The following PRH1 variants were observed in gnomAD, a reference collection of about 807,000 sequenced individuals.
PRH1 encodes proline rich protein HaeIII subfamily 1.
Under a neutral mutation model 7.9 loss-of-function variants are expected in PRH1, and 7 were observed. The observed-to-expected ratio is 0.89, with a 90% CI of 0.50 to 1.67. The LOEUF (loss-of-function observed/expected upper bound fraction) is 1.67. PRH1 is among the 40% of genes most tolerant of loss of function. PRH1 has a pLI of 0.00. For synonymous variants in PRH1, 45 were observed against 80.8 expected, an observed-to-expected ratio of 0.56 and a Z score of 2.38; for missense variants, 109 against 223.6, an observed-to-expected ratio of 0.49 and a Z score of 3.27.
intron 1 of PRH1, among the ~76,000 whole-genome samples, chr12:11,144,233 A>C (rs1383391075): frequency 8.2e-6 from 1 of 121,728 alleles, no homozygotes; most frequent in East Asian, 2.0e-4. Context: ...GGCATGTCTG[A>C]GCTCAGACTC....
chr12:11,050,592 C>T (rs74062429), upstream of PRH1, among the ~76,000 whole-genome samples: 5,306 of 152,312 alleles, frequency 0.035, 298 homozygotes, highest in African/African-American at 0.12. Flanking sequence ...CAACATAGGC[C>T]TTTGGTAAAT....
chr12:11,150,659 G>C (rs563212901), intron 1 of PRH1, among the ~76,000 whole-genome samples: 1 of 152,048 alleles, frequency 6.6e-6, no homozygotes. Context: ...ATCACATTCT[G>C]GGGACAGTTG....
At position 10,973,501 on chromosome 12, in the gene PRH1, G is replaced by A. The variant is rs1043512000; in HGVS notation, c.-59+154C>T. ...GCCTTAGGATAGCCATCTGTAAAAC[G>A]CACACAATAACAATACCCTCCTTGA... is the stretch of plus-strand genomic sequence containing the variant. On this transcript the variant is annotated intron_variant, in intron 2 of 3. Transcript: ENST00000539853. 20 of 506,046 alleles carry A rather than the reference G, an allele frequency of 4.0e-5. No individual in the cohort carries two copies. In the South Asian group the frequency reaches 4.2e-4, roughly 11 times the overall value. The allele number at this position is 506,046 out of a possible 1,614,324, so 31.3% of individuals were successfully genotyped here. A position where few individuals can be genotyped will look rare whatever the true frequency, so the allele number is the denominator to read the frequency against.
chr12:11,025,711 T>G (rs1429575501), intron 1 of PRH1, among the ~76,000 whole-genome samples: 1 of 152,296 alleles, frequency 6.6e-6, no homozygotes. Context: ...TCTAGCTCTG[T>G]GTATTTCCAT....
intron 1 of PRH1, chr12:11,061,309 C>A: frequency 6.9e-7 from 1 of 1,450,078 alleles, no homozygotes; most frequent in Admixed American, 2.2e-5. Context: ...ATATAAAATG[C>A]TTCATATAAC....
chr12:11,113,044 C>A (rs1167539077), intron 1 of PRH1, among the ~76,000 whole-genome samples: 1 of 152,072 alleles, frequency 6.6e-6, no homozygotes, highest in Non-Finnish European at 1.5e-5. Flanking sequence ...AACTCCATTT[C>A]ACAATTGCTA....
intron 1 of PRH1, among the ~76,000 whole-genome samples, chr12:11,035,542 G>A (rs1476320364): frequency 1.3e-5 from 2 of 152,012 alleles, no homozygotes; most frequent in Non-Finnish European, 2.9e-5. Context: ...ACTAAACCAA[G>A]TATTCCTAAA....
rs1945107531 is a variant in PRH1, at chr12:11,097,832, A to T, written n.124-50644T>A. Reference sequence around the variant, plus strand: ...TTTCTAAGTACTGGAGCTCAGCGTGATGAGAGAACACTATTATTCTTCCTC... The same window carrying T: ...TTTCTAAGTACTGGAGCTCAGCGTGTTGAGAGAACACTATTATTCTTCCTC... On this transcript the variant is annotated intron_variant and non_coding_transcript_variant, in intron 1 of 4. Transcript: ENST00000541977. Among the ~76,000 whole-genome samples the T allele has an allele frequency of 3.5e-5, 4 of 112,742 alleles. 2 individuals carry two copies. Among genetic ancestry groups the T allele is most frequent in the South Asian group, 5.0e-4 (2 of 4,032 alleles). 74.0% of individuals were successfully genotyped at this position (112,742 alleles called of 152,430 possible). A position where few individuals can be genotyped will look rare whatever the true frequency, so the allele number is the denominator to read the frequency against.
intron 1 of PRH1, among the ~76,000 whole-genome samples, chr12:11,067,869 A>G (rs1335369799): frequency 2.6e-5 from 4 of 152,166 alleles, no homozygotes; most frequent in Non-Finnish European, 4.4e-5. Context: ...TCTCAAAACA[A>G]TAAGAAAAAT....
In PRH1 at chr12:11,093,174, T is replaced by C. The variant is rs538352020; in HGVS notation, n.124-45986A>G. Among the ~76,000 whole-genome samples, 21 of 116,088 alleles carry C rather than the reference T, an allele frequency of 1.8e-4. 4 individuals carry two copies. Among genetic ancestry groups the C allele is most frequent in the Admixed American group, 1.7e-3 (20 of 11,514 alleles). The allele number at this position is 116,088 out of a possible 152,430, so 76.2% of individuals were successfully genotyped here. ...CTTAATATATATATCATCCAGTAAA[T>C]GTCTAAATTCTCAAAGGGAGCTTGG... On this transcript the variant is annotated intron_variant and non_coding_transcript_variant, in intron 1 of 4. Transcript: ENST00000541977.
chr12:10,908,552 G>C, intron 2 of PRH1: 1 of 1,613,932 alleles, frequency 6.2e-7, no homozygotes, highest in Admixed American at 1.7e-5. Context: ...TCCATGATAT[G>C]AGAACACATA....
At chr12:11,133,986 C>A in intron 1 of PRH1, 1 of 1,613,754 alleles carries the variant, frequency 6.2e-7, no homozygotes. Context: ...ACTGCCCAGA[C>A]ATTATAAGCA....
At chr12:11,170,230 T>A (rs1484686219) in intron 1 of PRH1, among the ~76,000 whole-genome samples, 1 of 152,232 alleles carries the variant, frequency 6.6e-6, no homozygotes, top group Non-Finnish European at 1.5e-5. Context: ...TTCACTGTGC[T>A]GTTACTCTAA....
chr12:11,018,712 G>A (rs1941424141), intron 1 of PRH1, among the ~76,000 whole-genome samples: 1 of 152,102 alleles, frequency 6.6e-6, no homozygotes, highest in Non-Finnish European at 1.5e-5. Flanking sequence ...AAGGAAATGA[G>A]CAGGACAGCA....
In PRH1 at chr12:10,882,674, A is replaced by G. The variant is rs535280132; in HGVS notation, c.125T>C (p.Leu42Pro). The G allele has an allele frequency of 1.3e-5, 21 of 1,558,498 alleles. No individual in the cohort carries two copies. In the East Asian group the frequency reaches 2.3e-4, roughly 17 times the overall value. Residue 42 changes from leucine (L) to proline (P), a missense_variant, in exon 3 of 4, where the codon CTA (leucine) becomes CCA (proline). Around this residue, in one of 3 missense-constraint regions of PRH1, gnomAD observed 60 missense variants for 76.5 expected, o/e 0.78. Transcript: ENST00000543626. ...AGGTGGTCCCTGACGCTCCTCATCTAGGAACTGCTCAGAGTCTCCTCCATC... is the reference window on the plus strand; with the variant it reads ...AGGTGGTCCCTGACGCTCCTCATCTGGGAACTGCTCAGAGTCTCCTCCATC... ...ISDGGDSEQF[L>P]DEERQGPPLG...
At chr12:11,107,431 T>C (rs1175975618) in intron 1 of PRH1, among the ~76,000 whole-genome samples, 1 of 152,222 alleles carries the variant, frequency 6.6e-6, no homozygotes, top group East Asian at 1.9e-4. Context: ...CAAGCAAGAA[T>C]GACCAGCTGA....
chr12:10,923,029 C>T (rs986683436), intron 2 of PRH1, among the ~76,000 whole-genome samples: 1 of 150,130 alleles, frequency 6.7e-6, no homozygotes, highest in Non-Finnish European at 1.5e-5. Context: ...GGGGTTTCAC[C>T]TTGTTAGCCA....
chr12:11,088,650 C>G lies in PRH1; in HGVS notation n.124-41462G>C, dbSNP rs1294115983. On this transcript the variant is annotated intron_variant and non_coding_transcript_variant, in intron 1 of 4. Transcript: ENST00000541977. ...TTGGGATTTTGGAGACAACATATTC[C>G]ACATTTGAGAATATAGCTCTGACTC... Among the ~76,000 whole-genome samples the G allele has an allele frequency of 1.8e-5, 2 of 112,938 alleles. 1 individual carries two copies. The highest frequency in any genetic ancestry group is 4.1e-5 in the Non-Finnish European group (2 of 48,210). 74.1% of individuals were successfully genotyped at this position (112,938 alleles called of 152,430 possible).
At chr12:10,931,760 A>T (rs1950217350) in intron 2 of PRH1, among the ~76,000 whole-genome samples, 1 of 152,172 alleles carries the variant, frequency 6.6e-6, no homozygotes, top group Non-Finnish European at 1.5e-5. Context: ...CTTATTGGAA[A>T]AATTTATTTC....
Sources: gnomAD v4.1 joint callset for allele counts (sites outside exome capture counted in the v4.1 genomes callset) on GRCh38, gnomAD v4.1.1 for gene constraint, gnomAD v4.1.1 regional missense constraint, MANE v1.5 for transcripts, NCBI Gene and HGNC (gene_info 2026-07-23, HGNC 2026-07-21) for gene names.